TANC1: variants seen among roughly 807,000 people sequenced by gnomAD.
TANC1 encodes the protein tetratricopeptide repeat, ankyrin repeat and coiled-coil containing 1.
In TANC1, 77 loss-of-function variants were observed where a neutral mutation model predicts 149.7. The observed-to-expected ratio is 0.51, with a 90% confidence interval of 0.43 to 0.62. The LOEUF is 0.62. Among genes scored for constraint, TANC1 ranks in the 20% least tolerant of loss-of-function variants. The pLI, the probability that TANC1 is intolerant of heterozygous loss-of-function variation, is 0.00. For synonymous variants in TANC1, 854 were observed against 925.0 expected (o/e 0.92, Z 1.39); for missense variants, 1,985 against 2,321.8 (o/e 0.85, Z 2.98).
At chr2:159,013,845 G>A (rs1196454707) in intron 2 of TANC1, among the ~76,000 whole-genome samples, 1 of 152,170 alleles carries the variant, frequency 6.6e-6, no homozygotes, top group Non-Finnish European at 1.5e-5. Context: ...TACAGAGGCT[G>A]GAAGTCCCAG....
chr2:159,127,147 G>A (rs562688153), intron 4 of TANC1, among the ~76,000 whole-genome samples: 2 of 152,240 alleles, frequency 1.3e-5, no homozygotes, highest in Admixed American at 6.5e-5. Context: ...CAAAAAGTGG[G>A]CGAAGGACAT....
intron 18 of TANC1, among the ~76,000 whole-genome samples, chr2:159,198,054 C>T (rs2057992005): frequency 6.6e-6 from 1 of 152,158 alleles, no homozygotes; most frequent in South Asian, 2.1e-4. Context: ...TATTTTTTAG[C>T]TCATGGCCCC....
Position 159,217,577 on chromosome 2 carries a change from A to G in TANC1, c.3325A>G (p.Asn1109Asp). 1.2e-6 allele frequency: 2 copies of G among 1,614,216 alleles called. No individual in the cohort carries two copies. The highest frequency in any genetic ancestry group is 1.7e-6 in the Non-Finnish European group (2 of 1,180,034). Residue 1109 changes from asparagine to aspartate, a missense_variant, in exon 20 of 27, where the codon AAC becomes GAC. Transcript: ENST00000263635. ...LGHGAAVSRTNRRGVPPLFCA... is the reference protein window; with the variant it reads ...LGHGAAVSRTDRRGVPPLFCA... ...GCATGGAGCTGCTGTGTCGCGGACAAACAGGAGAGGGGTTCCACCTTTGTT... is the reference window on the plus strand; with the variant it reads ...GCATGGAGCTGCTGTGTCGCGGACAGACAGGAGAGGGGTTCCACCTTTGTT...
intron 1 of TANC1, among the ~76,000 whole-genome samples, chr2:158,989,351 G>A (rs766635117): frequency 2.2e-4 from 33 of 152,152 alleles, no homozygotes; most frequent in Non-Finnish European, 4.3e-4. Flanking sequence ...CACGCCTGCA[G>A]TCCCAGCACT....
chr2:159,064,211 T>G (rs1248476983), intron 2 of TANC1, among the ~76,000 whole-genome samples: 2 of 152,346 alleles, frequency 1.3e-5, no homozygotes, highest in East Asian at 3.9e-4. Context: ...GAGAAGTTTG[T>G]GTTTTCCATC....
At chr2:159,155,472 G>T (rs1300529564) in intron 7 of TANC1, among the ~76,000 whole-genome samples, 1 of 152,172 alleles carries the variant, frequency 6.6e-6, no homozygotes, top group Non-Finnish European at 1.5e-5. Flanking sequence ...TGGAGAAACG[G>T]TGCTAGGACA....
chr2:158,969,596 G>T (rs2032530589), intron 1 of TANC1, among the ~76,000 whole-genome samples: 1 of 152,248 alleles, frequency 6.6e-6, no homozygotes, highest in East Asian at 1.9e-4. Context: ...AGCGCTGTGG[G>T]TGTGCGGGGC....
intron 3 of TANC1, among the ~76,000 whole-genome samples, chr2:159,080,714 C>T (rs1023151732): frequency 2.0e-5 from 3 of 152,186 alleles, no homozygotes; most frequent in Non-Finnish European, 2.9e-5. Context: ...GAAGACAGTT[C>T]CTCCTCTGCC....
intron 2 of TANC1, among the ~76,000 whole-genome samples, chr2:159,045,105 G>GTGT (rs1029255100): frequency 3.9e-5 from 6 of 152,200 alleles, no homozygotes; most frequent in South Asian, 2.1e-4. Context: ...AGTCCCTGCT[G>GTGT]TGTTGTTGTT....
chr2:159,132,934 G>A (rs1380467054), intron 4 of TANC1, among the ~76,000 whole-genome samples: 2 of 152,228 alleles, frequency 1.3e-5, no homozygotes, highest in Admixed American at 6.5e-5. Context: ...CAGGCACGTG[G>A]ATGCTTTCTG....
intron 5 of TANC1, among the ~76,000 whole-genome samples, chr2:159,140,738 T>A (rs1369523316): frequency 7.0e-6 from 1 of 143,316 alleles, no homozygotes; most frequent in African/African-American, 2.6e-5. Flanking sequence ...TTGCCCAGAC[T>A]GGAGTGCAGT....
intron 4 of TANC1, among the ~76,000 whole-genome samples, chr2:159,117,890 T>C (rs1251360004): frequency 6.6e-6 from 1 of 151,978 alleles, no homozygotes; most frequent in Non-Finnish European, 1.5e-5. Flanking sequence ...GGCTGGTGTT[T>C]TGCAGGTTGC....
At chr2:159,153,878 A>G (rs1338318854) in intron 7 of TANC1, among the ~76,000 whole-genome samples, 1 of 152,184 alleles carries the variant, frequency 6.6e-6, no homozygotes, top group Non-Finnish European at 1.5e-5. Context: ...AGTGTTTCAC[A>G]GAGTAAAGTA....
chr2:159,035,562 G>A (rs910983134), intron 2 of TANC1, among the ~76,000 whole-genome samples: 2 of 152,172 alleles, frequency 1.3e-5, no homozygotes, highest in Non-Finnish European at 2.9e-5. Flanking sequence ...AGGTGATCTC[G>A]CTGTAGTTAT....
At chr2:159,010,665 A>T (rs1282625382) in intron 2 of TANC1, among the ~76,000 whole-genome samples, 1 of 129,664 alleles carries the variant, frequency 7.7e-6, no homozygotes, top group Admixed American at 7.6e-5. Context: ...TATTTCAAGG[A>T]TGTGGACGGA....
intron 3 of TANC1, among the ~76,000 whole-genome samples, chr2:159,076,512 TG>T (rs1235958051): frequency 1.3e-5 from 2 of 152,234 alleles, no homozygotes; most frequent in Non-Finnish European, 2.9e-5. Context: ...CCAGATGTGC[TG>T]GAAGCCTGAC....
In TANC1 at chr2:159,203,006, G is replaced by C. The variant is rs76158018; in HGVS notation, c.3244+3953G>C. Among the ~76,000 whole-genome samples the C allele has an allele frequency of 8.6e-3, 1,306 of 152,204 alleles. 23 individuals carry two copies. The highest frequency in any genetic ancestry group is 0.03 in the African/African-American group (1,250 of 41,510). On this transcript the variant is annotated intron_variant, in intron 19 of 26. Transcript: ENST00000263635. ...TGCAAGTTCCAAGCCACACTCAAGT[G>C]TGTGAGCCTGCTTGTGGGCTTCTGG... is the stretch of plus-strand genomic sequence containing the variant.
intron 4 of TANC1, among the ~76,000 whole-genome samples, chr2:159,114,299 C>T (rs2048026479): frequency 6.6e-6 from 1 of 152,082 alleles, no homozygotes; most frequent in Admixed American, 6.5e-5. Flanking sequence ...CACCTGAGTC[C>T]CATAAGATTG....
rs1182666372 is a variant in TANC1 at position 159,176,241 on chromosome 2, T to C, written c.1736-111T>C. On this transcript the variant is annotated intron_variant, in intron 12 of 26. Transcript: ENST00000263635. ...TGTGAAAACTGTTTCTTGTGCCATA[T>C]GTAAACCTTTTTAGTTTCTAACACT... The C allele has an allele frequency of 1.2e-5, 7 of 577,134 alleles. No homozygotes were observed. The Admixed American group carries it at 1.4e-4, about 12-fold the overall frequency. The allele number at this position is 577,134 out of a possible 1,614,324, so 35.8% of individuals were successfully genotyped here.
Sources: allele counts gnomAD v4.1 joint callset (sites outside exome capture counted in the v4.1 genomes callset), GRCh38; gene constraint gnomAD v4.1.1; transcripts MANE v1.5; gene names NCBI Gene and HGNC (gene_info 2026-07-23, HGNC 2026-07-21).